SCRG1: variants seen among roughly 807,000 people sequenced by gnomAD.
SCRG1 encodes the protein stimulator of chondrogenesis 1, also known as scrapie-responsive protein 1.
SCRG1 carries 3 observed loss-of-function variants against 7.7 expected under a neutral mutation model. The ratio of observed to expected loss-of-function variants is 0.39; its 90% CI spans 0.18 to 1.01. The LOEUF (loss-of-function observed/expected upper bound fraction) is 1.01, where lower values mean the gene tolerates loss of function less well. Among genes scored for constraint, SCRG1 ranks in the 50% least tolerant of loss-of-function variants. SCRG1 has a pLI of 0.36. For missense variants in SCRG1, 110 were observed against 117.2 expected (o/e 0.94, Z 0.28); for synonymous variants, 46 against 41.2 (o/e 1.12, Z -0.44).
At chr4:173,407,569 AT>A (rs2126925881), upstream of SCRG1, among the ~76,000 whole-genome samples, 1 of 152,294 alleles carries the variant, frequency 6.6e-6, no homozygotes, top group South Asian at 2.1e-4. Context: ...TGCTATAAAT[AT>A]TTGTATGCAC....
chr4:173,427,952 G>T, the SCRG1 span, among the ~76,000 whole-genome samples: 1 of 151,980 alleles, frequency 6.6e-6, no homozygotes, highest in Non-Finnish European at 1.5e-5. Context: ...GGTTACTTTG[G>T]GATTAAATGG....
At chr4:173,419,821 G>A in the SCRG1 span, 1 of 1,438,302 alleles carries the variant, frequency 7.0e-7, no homozygotes, top group East Asian at 2.3e-5. Context: ...GGCCTTCATA[G>A]ATCTTGTCCA....
upstream of SCRG1, chr4:173,399,165 G>C (rs1338612056): frequency 6.6e-6 from 1 of 152,240 alleles, no homozygotes; most frequent in Non-Finnish European, 1.5e-5. Flanking sequence ...GGAGGTGCTG[G>C]AAGGAGCTTC....
upstream of SCRG1, among the ~76,000 whole-genome samples, chr4:173,410,066 G>A (rs1264804879): frequency 6.6e-6 from 1 of 152,194 alleles, no homozygotes; most frequent in Admixed American, 6.5e-5. Flanking sequence ...CTGGGGAAGG[G>A]ATCTCCGTCC....
At chr4:173,437,895 G>C in the SCRG1 span, among the ~76,000 whole-genome samples, 8 of 152,110 alleles carry the variant, frequency 5.3e-5, no homozygotes, top group Non-Finnish European at 1.2e-4. Flanking sequence ...AAGAGAGAAC[G>C]GTTTCAAATA....
chr4:173,399,507 T>TGTGTGTGTGTGTGTGTGTGTGA (rs1560833546), upstream of SCRG1: 3 of 73,460 alleles, frequency 4.1e-5, no homozygotes, highest in East Asian at 4.0e-4. Context: ...TGTCTGTGTG[T>TGTGTGTGTGTGTGTGTGTGTGA]GAGAGAGAGA....
chr4:173,453,281 G>A, the SCRG1 span, among the ~76,000 whole-genome samples: 1 of 152,288 alleles, frequency 6.6e-6, no homozygotes, highest in South Asian at 2.1e-4. Context: ...TGTAATCATA[G>A]TTCAGAATAA....
the SCRG1 span, among the ~76,000 whole-genome samples, chr4:173,438,118 A>T: frequency 8.6e-5 from 13 of 152,032 alleles, no homozygotes; most frequent in African/African-American, 1.7e-4. Flanking sequence ...TTAATTAATT[A>T]ATTTATTTAT....
At chr4:173,468,416 C>T in the SCRG1 span, 1 of 152,124 alleles carries the variant, frequency 6.6e-6, no homozygotes, top group African/African-American at 2.4e-5. Context: ...AACAAAATAG[C>T]CTAATGACAG....
intron 2 of SCRG1, among the ~76,000 whole-genome samples, chr4:173,390,463 T>C (rs1316655046): frequency 2.0e-5 from 3 of 151,006 alleles, no homozygotes; most frequent in Non-Finnish European, 4.4e-5. Context: ...TTTTTTGTTG[T>C]TGTTGTTCGT....
At chr4:173,469,310 C>A in the SCRG1 span, 1 of 151,990 alleles carries the variant, frequency 6.6e-6, no homozygotes, top group African/African-American at 2.4e-5. Flanking sequence ...GATAATATAA[C>A]AGACTCAGAA....
the SCRG1 span, chr4:173,419,620 G>A: frequency 1.4e-6 from 1 of 727,994 alleles, no homozygotes; most frequent in Non-Finnish European, 2.5e-6. Flanking sequence ...TACTGTGAGG[G>A]ATAGACAAAC....
Position 173,388,349 on chromosome 4 carries a change from T to C in SCRG1, c.289A>G (p.Asn97Asp). The change falls in exon 3 of 3, where the codon AAT (asparagine) becomes GAT (aspartate). Residue 97 changes from asparagine to aspartate, a missense_variant. Transcript: ENST00000296506. Reference protein sequence around the residue: ...PKISFVIPCNNQ With the variant: ...PKISFVIPCNDQ ...AGAATACATGAAGATTCTCATTGAT[T>C]GTTGCAAGGAATCACGAAAGAGATC... 1 of 1,611,564 alleles carries C rather than the reference T, an allele frequency of 6.2e-7. No homozygotes were observed. Among genetic ancestry groups the C allele is most frequent in the South Asian group, 1.1e-5 (1 of 90,652 alleles).
At chr4:173,392,361 C>T (rs575935148) in intron 1 of SCRG1, among the ~76,000 whole-genome samples, 2 of 152,320 alleles carry the variant, frequency 1.3e-5, no homozygotes, top group East Asian at 3.9e-4. Flanking sequence ...GCGTTATAAT[C>T]ATCTAGCCTT....
the SCRG1 span, among the ~76,000 whole-genome samples, chr4:173,484,263 T>C: frequency 1.1e-5 from 1 of 93,304 alleles, no homozygotes; most frequent in South Asian, 3.6e-4. Flanking sequence ...CTATATAATA[T>C]ATATTTTATA....
At chr4:173,451,630 CTTATTTTATTTAT>C in the SCRG1 span, among the ~76,000 whole-genome samples, 618 of 50,026 alleles carry the variant, frequency 0.012, 6 homozygotes, top group African/African-American at 0.02. Context: ...ATTTTACTTA[CTTATTTTATTTAT>C]TTATTTATTT....
At chr4:173,442,350 C>A in the SCRG1 span, among the ~76,000 whole-genome samples, 1 of 152,186 alleles carries the variant, frequency 6.6e-6, no homozygotes, top group Non-Finnish European at 1.5e-5. Flanking sequence ...CTGCTAATGG[C>A]TTGAGTGAGA....
At chr4:173,493,078 C>T in the SCRG1 span, among the ~76,000 whole-genome samples, 31 of 152,218 alleles carry the variant, frequency 2.0e-4, no homozygotes, top group Non-Finnish European at 2.4e-4. Flanking sequence ...CAGAAGTAAC[C>T]GAGAGCCGTG....
At chr4:173,499,976 C>T in the SCRG1 span, among the ~76,000 whole-genome samples, 44 of 152,322 alleles carry the variant, frequency 2.9e-4, no homozygotes, top group African/African-American at 1.1e-3. This position sits in a 1 kb window ranked among gnomAD's most constrained non-coding sequence, Gnocchi z 4.1. Flanking sequence ...CTAAGTACTA[C>T]AGACATTAAA....
Sources: allele counts gnomAD v4.1 joint callset (sites outside exome capture counted in the v4.1 genomes callset), GRCh38; gene constraint gnomAD v4.1.1; non-coding constraint Gnocchi (gnomAD v3.1); transcripts MANE v1.5; gene names NCBI Gene and HGNC (gene_info 2026-07-23, HGNC 2026-07-21).